Variants in RNASE11 observed in about 807,000 individuals in gnomAD.
The protein encoded by RNASE11 is putative inactive ribonuclease 11.
For missense variants in RNASE11, 252 were observed against 237.8 expected, an observed-to-expected ratio of 1.06 and a Z score of -0.39; for synonymous variants, 105 against 86.1, an observed-to-expected ratio of 1.22 and a Z score of -1.21.
At chr14:20,589,403 G>A (rs1263089496), upstream of RNASE11, among the ~76,000 whole-genome samples, 4 of 151,556 alleles carry the variant, frequency 2.6e-5, no homozygotes, top group East Asian at 2.0e-4. Flanking sequence ...ATAGGCGCCC[G>A]CCACCACGCC....
chr14:20,584,025 G>T (rs1460448686), exon 2 of RNASE11: 1 of 1,614,150 alleles, frequency 6.2e-7, no homozygotes. Context: ...CCAGTTCTAG[G>T]CTCTCACAGC....
Position 20,584,345 on chromosome 14 carries a change from G to A in RNASE11, c.130C>T (p.Gln44Ter), listed in dbSNP as rs767105457. The change falls in exon 2 of 2, where the codon CAA becomes TAA. Residue 44 changes from glutamine to a stop codon, truncating the protein, a stop_gained. Coordinates refer to ENST00000553849, the Ensembl canonical transcript of RNASE11. LOFTEE classifies it low-confidence loss of function (END_TRUNC). The stretch of plus-strand genomic sequence containing the variant: ...AATATCTCAATGGTCTGTTTTTCTT[G>A]GCCACTTTTTGCCATGTCATATTGC... 5.6e-6 allele frequency: 9 copies of A among 1,613,964 alleles called. No individual in the cohort carries two copies. The highest frequency in any genetic ancestry group is 3.3e-5 in the Admixed American group (2 of 60,000).
At chr14:20,586,696 A>G (rs1179353885) in intron 1 of RNASE11, among the ~76,000 whole-genome samples, 1 of 152,226 alleles carries the variant, frequency 6.6e-6, no homozygotes, top group Non-Finnish European at 1.5e-5. Context: ...TGACATCAGT[A>G]GTGAGGTGAC....
At chr14:20,589,127 T>A (rs77552432), upstream of RNASE11, among the ~76,000 whole-genome samples, 9,096 of 150,634 alleles carry the variant, frequency 0.06, 313 homozygotes, top group African/African-American at 0.076. Context: ...GATGAACAAA[T>A]GTTAAAATTT....
chr14:20,584,292 A>G (rs1191831657), exon 2 of RNASE11: 1 of 1,614,012 alleles, frequency 6.2e-7, no homozygotes, highest in Admixed American at 1.7e-5. Context: ...TGAGGCTGGT[A>G]TTTTTAACTA....
chr14:20,583,002 T>C (rs775756416), downstream of RNASE11: 8 of 152,216 alleles, frequency 5.3e-5, no homozygotes, highest in Non-Finnish European at 8.8e-5. Flanking sequence ...CACACATCGA[T>C]GAAGAAGATA....
chr14:20,590,176 C>T (rs573019852), upstream of RNASE11: 30 of 1,512,446 alleles, frequency 2.0e-5, no homozygotes, highest in African/African-American at 2.0e-4. Flanking sequence ...CTTCCCCTTC[C>T]GCTCAAGGCA....
downstream of RNASE11, chr14:20,583,288 G>A (rs1756383): frequency 0.82 from 124,251 of 152,258 alleles, 50,881 homozygotes; most frequent in South Asian, 0.88. Context: ...AATAGAGATG[G>A]GGGTGGAAGA....
At chr14:20,587,104 G>A (rs1365735041) in intron 1 of RNASE11, among the ~76,000 whole-genome samples, 1 of 152,178 alleles carries the variant, frequency 6.6e-6, no homozygotes, top group Non-Finnish European at 1.5e-5. Context: ...AGTGAGCTGT[G>A]ATCACACAAC....
upstream of RNASE11, among the ~76,000 whole-genome samples, chr14:20,589,623 A>G (rs1884520712): frequency 6.6e-6 from 1 of 151,322 alleles, no homozygotes; most frequent in Non-Finnish European, 1.5e-5. Context: ...ACAGTGGCTC[A>G]CGCCTGTTAT....
At chr14:20,587,952 C>T (rs1884470890), upstream of RNASE11, 1 of 652,856 alleles carries the variant, frequency 1.5e-6, no homozygotes, top group Non-Finnish European at 1.9e-6. Flanking sequence ...GAGTGCTCTC[C>T]AAAGCCTGTG....
intron 1 of RNASE11, 149 bp downstream of exon 2, chr14:20,587,414 A>G (rs916407408): frequency 4.3e-6 from 1 of 232,664 alleles, no homozygotes; most frequent in Non-Finnish European, 7.1e-6. Context: ...AAGAAAAGAC[A>G]ACAAAACCTA....
chr14:20,585,561 T>C (rs1884417500), intron 1 of RNASE11, among the ~76,000 whole-genome samples: 1 of 152,242 alleles, frequency 6.6e-6, no homozygotes, highest in Non-Finnish European at 1.5e-5. Context: ...TTATAAATTT[T>C]AATGGAATTA....
chr14:20,583,682 T>A, exon 2 of RNASE11: 2 of 258,346 alleles, frequency 7.7e-6, no homozygotes, highest in South Asian at 4.5e-5. Context: ...GAGAGAAGAA[T>A]CTGCACGCCA....
At chr14:20,584,332 G>A (rs750812014) in exon 2 of RNASE11, 1 of 1,614,138 alleles carries the variant, frequency 6.2e-7, no homozygotes, top group Non-Finnish European at 8.5e-7. Flanking sequence ...TATCTCAATG[G>A]TCTGTTTTTC....
exon 2 of RNASE11, chr14:20,583,777 A>G (rs1884361967): frequency 8.5e-6 from 11 of 1,298,184 alleles, no homozygotes; most frequent in South Asian, 3.0e-5. Context: ...GGAGTTCACT[A>G]TAGTGCTAAA....
At chr14:20,587,367 C>T (rs1027344772) in intron 1 of RNASE11, among the ~76,000 whole-genome samples, 196 bp downstream of exon 2, 3 of 151,938 alleles carry the variant, frequency 2.0e-5, no homozygotes, top group Non-Finnish European at 4.4e-5. Context: ...AAAGGAGGAG[C>T]TTCGGTGAAG....
exon 1 of RNASE11, chr14:20,587,702 G>A: frequency 2.0e-6 from 2 of 985,344 alleles, no homozygotes; most frequent in South Asian, 4.7e-5. Flanking sequence ...GGCCACCTAA[G>A]ATGGAAGAAG....
chr14:20,583,985 T>G (rs1254051380), exon 2 of RNASE11: 1 of 1,614,096 alleles, frequency 6.2e-7, no homozygotes, highest in Non-Finnish European at 8.5e-7. Flanking sequence ...GGGAATTGTT[T>G]GCCTGTAGTG....
Sources: gnomAD v4.1 joint callset for allele counts (sites outside exome capture counted in the v4.1 genomes callset) on GRCh38, gnomAD v4.1.1 for gene constraint, MANE v1.5 for transcripts, NCBI Gene and HGNC (gene_info 2026-07-23, HGNC 2026-07-21) for gene names.